Variants in EPB41L4B observed in about 807,000 individuals in gnomAD.
EPB41L4B encodes erythrocyte membrane protein band 4.1 like 4B.
Under a neutral mutation model 112.5 loss-of-function variants are expected in EPB41L4B, and 30 were observed. That is an observed-to-expected ratio of 0.27 (90% CI 0.20 to 0.36). EPB41L4B has a LOEUF of 0.36. Among genes scored for constraint, EPB41L4B ranks in the 10% least tolerant of loss-of-function variants. The pLI is 1.00. For missense variants in EPB41L4B, 1,024 were observed against 1,133.3 expected (o/e 0.90, Z 1.38); for synonymous variants, 408 against 439.7 (o/e 0.93, Z 0.90).
Position 109,267,478 on chromosome 9 carries a change from A to G in EPB41L4B, c.528T>C (p.Phe176=). 1 of 1,611,940 alleles carries G rather than the reference A, an allele frequency of 6.2e-7. No homozygotes were observed. The highest frequency in any genetic ancestry group is 8.5e-7 in the Non-Finnish European group (1 of 1,178,196). ...SSEPNNLREE[F]TRYLFVLQLR... The stretch of plus-strand genomic sequence containing the variant: ...TGTTCTGCATCGTGGCCTACCTTGT[A>G]AACTCCTCACGAAGGTTGTTTGGTT... Residue 176 remains phenylalanine, a synonymous_variant, in exon 4 of 26, where the codon TTT becomes TTC. Coordinates refer to ENST00000374566, the MANE Select transcript of EPB41L4B (RefSeq NM_019114.5).
In EPB41L4B at chr9:109,190,092, C is replaced by T. The variant is rs548946912; in HGVS notation, c.2301+2186G>A. ...CTGGGATTACAGGCACATACTACCA[C>T]GCTCGGCTAGGTTACGCTGGTTCTG... On this transcript the variant is annotated intron_variant, in intron 22 of 25. Coordinates refer to ENST00000374566, the MANE Select transcript of EPB41L4B (RefSeq NM_019114.5). Among the ~76,000 whole-genome samples, 11 of 152,186 alleles carry T rather than the reference C, an allele frequency of 7.2e-5. No individual in the cohort carries two copies. In the East Asian group the frequency reaches 1.4e-3, roughly 19 times the overall value.
chr9:109,317,308 T>A (rs1057365204), intron 1 of EPB41L4B, among the ~76,000 whole-genome samples: 3 of 152,180 alleles, frequency 2.0e-5, no homozygotes, highest in African/African-American at 7.2e-5. Flanking sequence ...TGGAAGTCCT[T>A]CCGATTCCCC....
At chr9:109,319,061 G>T (rs890895050) in intron 1 of EPB41L4B, among the ~76,000 whole-genome samples, 1 of 152,228 alleles carries the variant, frequency 6.6e-6, no homozygotes, top group African/African-American at 2.4e-5. Flanking sequence ...TCCTCGAGAT[G>T]ATCTGTAACA....
At chr9:109,275,971 T>C (rs1835799576) in intron 2 of EPB41L4B, among the ~76,000 whole-genome samples, 1 of 151,468 alleles carries the variant, frequency 6.6e-6, no homozygotes, top group South Asian at 2.1e-4. Context: ...ATGTGCCTTG[T>C]CCCCAAGAAT....
At chr9:109,196,335 A>G (rs191027101) in intron 20 of EPB41L4B, 39 of 152,244 alleles carry the variant, frequency 2.6e-4, no homozygotes, top group African/African-American at 8.7e-4. Context: ...AGACTTTTAC[A>G]CTATGTTTAA....
intron 15 of EPB41L4B, among the ~76,000 whole-genome samples, chr9:109,229,515 G>C (rs1469223432): frequency 1.3e-5 from 2 of 152,170 alleles, no homozygotes; most frequent in Non-Finnish European, 2.9e-5. Context: ...TTTATGTCAT[G>C]TGTCTTCACT....
chr9:109,223,293 C>T (rs1237935577), intron 15 of EPB41L4B, among the ~76,000 whole-genome samples: 6 of 152,078 alleles, frequency 3.9e-5, no homozygotes, highest in African/African-American at 1.2e-4. Flanking sequence ...AAAATTAACC[C>T]GGTATGGTGG....
chr9:109,256,448 T>C lies in EPB41L4B; in HGVS notation c.785A>G (p.Tyr262Cys). The C allele has an allele frequency of 6.2e-7, 1 of 1,614,184 alleles. No homozygotes were observed. The highest frequency in any genetic ancestry group is 8.5e-7 in the Non-Finnish European group (1 of 1,180,024). Residue 262 changes from tyrosine to cysteine, a missense_variant, in exon 8 of 26, where the codon TAT (tyrosine) becomes TGT (cysteine). Transcript: ENST00000374566. ...GKSPAQAELS[Y>C]LNKAKWLEMY... ...TTCCAGCCACTTCGCTTTATTCAGA[T>C]AGGAGAGTTCCGCCTGGGCAGGGCT... is the stretch of plus-strand genomic sequence containing the variant.
chr9:109,288,109 G>A (rs551298828), intron 1 of EPB41L4B, among the ~76,000 whole-genome samples: 6 of 152,344 alleles, frequency 3.9e-5, no homozygotes, highest in African/African-American at 9.6e-5. Context: ...TTCAGGCCCC[G>A]TCACTAGGGC....
rs145763173 is a variant in EPB41L4B, at chr9:109,290,489, T to C, written c.307-10568A>G. 3.1e-3 allele frequency among the ~76,000 whole-genome samples: 479 copies of C among 152,208 alleles called. 1 individual carries two copies. Among genetic ancestry groups the C allele is most frequent in the Middle Eastern group, 6.8e-3 (2 of 294 alleles). On this transcript the variant is annotated intron_variant, in intron 1 of 25. Coordinates refer to ENST00000374566, the MANE Select transcript of EPB41L4B (RefSeq NM_019114.5). ...ACCCATGTTCATCCCTAGAGATCAA[T>C]TCCTTCTTTTCCCAGTCCTTAAACA...
intron 2 of EPB41L4B, among the ~76,000 whole-genome samples, chr9:109,276,897 C>T (rs756954860): frequency 6.6e-6 from 1 of 152,210 alleles, no homozygotes; most frequent in Non-Finnish European, 1.5e-5. Flanking sequence ...GCATTTGCAG[C>T]AGACATGCCA....
intron 1 of EPB41L4B, among the ~76,000 whole-genome samples, chr9:109,286,205 A>C (rs1031407941): frequency 1.3e-5 from 2 of 148,532 alleles, no homozygotes; most frequent in Non-Finnish European, 3.0e-5. Flanking sequence ...GGATGGATGG[A>C]TGGATGGATG....
At chr9:109,310,078 T>G (rs1031398541) in intron 1 of EPB41L4B, among the ~76,000 whole-genome samples, 2 of 151,936 alleles carry the variant, frequency 1.3e-5, no homozygotes, top group Admixed American at 6.6e-5. Context: ...CAAAGCGGTG[T>G]TTTTTTTCCC....
chr9:109,182,603 C>G, intron 24 of EPB41L4B, 126 bp downstream of exon 24: 1 of 705,198 alleles, frequency 1.4e-6, no homozygotes, highest in Middle Eastern at 2.8e-4. Context: ...AAGTTTCTTC[C>G]CAACCTCACA....
chr9:109,215,505 C>T (rs1833330250), intron 16 of EPB41L4B, among the ~76,000 whole-genome samples: 1 of 152,124 alleles, frequency 6.6e-6, no homozygotes, highest in Non-Finnish European at 1.5e-5. Flanking sequence ...GTCTCGAACT[C>T]TTGACCTAGG....
chr9:109,185,281 C>T (rs200630879), intron 23 of EPB41L4B, among the ~76,000 whole-genome samples: 12 of 152,316 alleles, frequency 7.9e-5, no homozygotes, highest in African/African-American at 1.2e-4. Flanking sequence ...GACCTAGAGG[C>T]GAAGTGGGCT....
intron 16 of EPB41L4B, among the ~76,000 whole-genome samples, chr9:109,215,469 A>G (rs1443449491): frequency 6.6e-6 from 1 of 152,038 alleles, no homozygotes; most frequent in Non-Finnish European, 1.5e-5. Flanking sequence ...CAGTAGAGAC[A>G]GGGTTTCACC....
chr9:109,232,639 C>T (rs973899364), intron 15 of EPB41L4B, among the ~76,000 whole-genome samples: 22 of 152,262 alleles, frequency 1.4e-4, no homozygotes, highest in African/African-American at 5.3e-4. Flanking sequence ...GAAATTAAAA[C>T]ATTATTCATC....
chr9:109,185,696 AC>A (rs1832235861), intron 22 of EPB41L4B, 91 bp from the exon 23 acceptor site: 1 of 951,892 alleles, frequency 1.1e-6, no homozygotes, highest in African/African-American at 1.6e-5. Context: ...GGAGAGAAAG[AC>A]AGCACAGTGC....
Sources: gnomAD v4.1 joint callset for allele counts (sites outside exome capture counted in the v4.1 genomes callset) on GRCh38, gnomAD v4.1.1 for gene constraint, MANE v1.5 for transcripts, NCBI Gene and HGNC (gene_info 2026-07-23, HGNC 2026-07-21) for gene names.